The following TMEM132D variants were observed in gnomAD, a reference collection of about 807,000 sequenced individuals.
TMEM132D encodes transmembrane protein 132D.
A neutral mutation model predicts 62.3 loss-of-function variants in TMEM132D; 21 were observed. That is an observed-to-expected ratio of 0.34 (90% CI 0.24 to 0.49). The LOEUF (loss-of-function observed/expected upper bound fraction) is 0.49. TMEM132D is among the 20% of genes least tolerant of loss of function. The probability of loss-of-function intolerance (pLI) is 0.99; values close to 1 mark genes in which losing one functional copy is unlikely to be tolerated. For missense variants in TMEM132D, 1,346 were observed against 1,402.8 expected, an observed-to-expected ratio of 0.96 and a Z score of 0.65; for synonymous variants, 621 against 575.6, an observed-to-expected ratio of 1.08 and a Z score of -1.13.
chr12:129,112,356 A>G (rs1356898337), intron 5 of TMEM132D, among the ~76,000 whole-genome samples: 6 of 152,176 alleles, frequency 3.9e-5, no homozygotes, highest in Non-Finnish European at 7.3e-5. Context: ...TGGCTCTATA[A>G]TTTCAAATTA....
intron 2 of TMEM132D, among the ~76,000 whole-genome samples, chr12:129,548,183 T>A (rs1355708315): frequency 6.6e-6 from 1 of 152,194 alleles, no homozygotes; most frequent in African/African-American, 2.4e-5. Flanking sequence ...AGGCCTGGCC[T>A]TGGGGTTCCC....
At chr12:129,554,896 C>T (rs1877011096) in intron 2 of TMEM132D, among the ~76,000 whole-genome samples, 1 of 152,160 alleles carries the variant, frequency 6.6e-6, no homozygotes, top group South Asian at 2.1e-4. Context: ...ATGCTGACGG[C>T]CTGGTCTCCT....
intron 5 of TMEM132D, among the ~76,000 whole-genome samples, chr12:129,091,681 A>C (rs1046113269): frequency 6.6e-6 from 1 of 151,832 alleles, no homozygotes; most frequent in Non-Finnish European, 1.5e-5. Context: ...TCTCACCTGG[A>C]CTCTGGAGAT....
chr12:129,577,276 G>T (rs940596561), intron 2 of TMEM132D, among the ~76,000 whole-genome samples: 4 of 151,754 alleles, frequency 2.6e-5, no homozygotes, highest in African/African-American at 9.7e-5. Flanking sequence ...ACAGCAGCAG[G>T]AGGCACCCAC....
chr12:129,638,676 T>A (rs1442966606), intron 2 of TMEM132D, among the ~76,000 whole-genome samples: 1 of 151,610 alleles, frequency 6.6e-6, no homozygotes, highest in Non-Finnish European at 1.5e-5. Flanking sequence ...CCCATGGAAT[T>A]CTTTCTGCAG....
chr12:129,306,005 C>CA (rs1382354622), intron 4 of TMEM132D, among the ~76,000 whole-genome samples: 1 of 152,186 alleles, frequency 6.6e-6, no homozygotes, highest in Non-Finnish European at 1.5e-5. Context: ...CTTCAAATCT[C>CA]AGAGCTCAGC....
At chr12:129,589,590 C>T (rs1292080531) in intron 2 of TMEM132D, among the ~76,000 whole-genome samples, 1 of 152,128 alleles carries the variant, frequency 6.6e-6, no homozygotes, top group Non-Finnish European at 1.5e-5. Context: ...TTTCAACCAG[C>T]AACTAATACC....
At chr12:129,882,532 G>A (rs1329286533) in intron 1 of TMEM132D, among the ~76,000 whole-genome samples, 1 of 152,146 alleles carries the variant, frequency 6.6e-6, no homozygotes, top group African/African-American at 2.4e-5. Context: ...AGTTCTAGTG[G>A]TCTAAACCAC....
rs1306572314 is a variant in TMEM132D, at chr12:129,081,908, C to T, written c.1774G>A (p.Gly592Arg). The T allele has an allele frequency of 6.2e-7, 1 of 1,614,042 alleles. No homozygotes were observed. The highest frequency in any genetic ancestry group is 1.6e-4 in the Middle Eastern group (1 of 6,062). The stretch of plus-strand genomic sequence containing the variant: ...GAGCCCAGCAGGTGGGCCAGGTGTC[C>T]CCCAGGGCCGGCCGCCTCAGCCACA... ...QFVAEAAGPG[G>R]HLAHLLGSDW... Residue 592 changes from glycine to arginine, a missense_variant, in exon 7 of 9, where the codon GGA becomes AGA. Transcript: ENST00000422113.
intron 3 of TMEM132D, among the ~76,000 whole-genome samples, chr12:129,384,069 A>C (rs912371202): frequency 1.3e-5 from 2 of 152,234 alleles, no homozygotes; most frequent in African/African-American, 2.4e-5. Flanking sequence ...CATCGTAAAA[A>C]AAGATCTGAG....
At chr12:129,778,588 G>T (rs10773706) in intron 1 of TMEM132D, among the ~76,000 whole-genome samples, 136,292 of 152,216 alleles carry the variant, frequency 0.9, 61,197 homozygotes, top group Middle Eastern at 0.96. Context: ...GAAAATGGTT[G>T]GCAAGTTGCT....
intron 3 of TMEM132D, among the ~76,000 whole-genome samples, chr12:129,426,911 C>G (rs1291258252): frequency 6.6e-6 from 1 of 152,188 alleles, no homozygotes; most frequent in Admixed American, 6.5e-5. Flanking sequence ...CCCGTGGCCT[C>G]TCATAGGTGG....
rs536020144 is a variant in TMEM132D, at chr12:129,104,127, C to T, written c.1444-19425G>A. Among the ~76,000 whole-genome samples the T allele has an allele frequency of 9.4e-3, 1,400 of 149,432 alleles. 21 individuals carry two copies. The highest frequency in any genetic ancestry group is 0.033 in the African/African-American group (1,330 of 40,256). ...GAACAAAGCTGGAGGCATCCCACTACCTGACTTCAAACTATACTACAAGGC... is the reference window on the plus strand; with the variant it reads ...GAACAAAGCTGGAGGCATCCCACTATCTGACTTCAAACTATACTACAAGGC... On this transcript the variant is annotated intron_variant, in intron 5 of 8. Coordinates refer to ENST00000422113, the MANE Select transcript of TMEM132D (RefSeq NM_133448.3).
At chr12:129,877,976 C>A (rs1053375648) in intron 1 of TMEM132D, among the ~76,000 whole-genome samples, 2 of 152,172 alleles carry the variant, frequency 1.3e-5, no homozygotes, top group African/African-American at 4.8e-5. Flanking sequence ...GAACTAAGAC[C>A]AGCTATTTAA....
chr12:129,792,308 A>G (rs1430097053), intron 1 of TMEM132D, among the ~76,000 whole-genome samples: 3 of 152,162 alleles, frequency 2.0e-5, no homozygotes, highest in African/African-American at 7.2e-5. Context: ...CACCATTGAT[A>G]TCATCCTGAA....
intron 3 of TMEM132D, among the ~76,000 whole-genome samples, chr12:129,492,115 G>C (rs1486986702): frequency 1.3e-5 from 2 of 152,180 alleles, no homozygotes; most frequent in Non-Finnish European, 2.9e-5. Context: ...GTGTCAGGTT[G>C]ACAAACTTCC....
chr12:129,565,079 G>A (rs2398464), intron 2 of TMEM132D, among the ~76,000 whole-genome samples: 16,936 of 152,206 alleles, frequency 0.11, 1,254 homozygotes, highest in East Asian at 0.42. Flanking sequence ...ATGGGTGAAC[G>A]GGAAATTCCT....
chr12:129,722,517 T>C (rs1868875951), intron 1 of TMEM132D, among the ~76,000 whole-genome samples: 1 of 152,154 alleles, frequency 6.6e-6, no homozygotes, highest in Non-Finnish European at 1.5e-5. Flanking sequence ...CCTCTGTCTC[T>C]GGATTGGGAT....
chr12:129,337,776 T>G lies in TMEM132D; in HGVS notation c.1157A>C (p.Glu386Ala), dbSNP rs1167635106. 1.9e-6 allele frequency: 3 copies of G among 1,613,566 alleles called. No individual in the cohort carries two copies. Among genetic ancestry groups the G allele is most frequent in the South Asian group, 2.2e-5 (2 of 91,020 alleles). The change falls in exon 4 of 9, where the codon GAG becomes GCG. Residue 386 changes from glutamate to alanine, a missense_variant. Physicochemically the swap from Glu to Ala is moderately radical, Grantham distance 107 (BLOSUM62 -1). Transcript: ENST00000422113. ...TGGCAGGTCACCAGGCTCTTCCACC[T>G]CCACATCGATCTGCATGACCTCGTA... The part of the protein sequence containing the change: ...ASYEVMQIDV[E>A]VEEPGDLPAT...
Sources: gnomAD v4.1 joint callset for allele counts (sites outside exome capture counted in the v4.1 genomes callset) on GRCh38, gnomAD v4.1.1 for gene constraint, MANE v1.5 for transcripts, NCBI Gene and HGNC (gene_info 2026-07-23, HGNC 2026-07-21) for gene names.